NKD2: variants seen among roughly 807,000 people sequenced by gnomAD.
NKD2 encodes protein naked cuticle homolog 2.
In NKD2, 43 loss-of-function variants were observed where a neutral mutation model predicts 34.8. The ratio of observed to expected loss-of-function variants is 1.24; its 90% CI spans 0.97 to 1.60. The LOEUF (loss-of-function observed/expected upper bound fraction) is 1.60, where lower values mean the gene tolerates loss of function less well. Ranked by LOEUF, NKD2 falls within the 40% of genes most tolerant of loss-of-function variation. The pLI, the probability that NKD2 is intolerant of heterozygous loss-of-function variation, is 0.00. For missense variants in NKD2, 675 were observed against 627.1 expected (o/e 1.08, Z -0.82); for synonymous variants, 278 against 265.1 (o/e 1.05, Z -0.47).
chr5:1,017,028 A>G (rs13361349), intron 3 of NKD2, among the ~76,000 whole-genome samples: 1 of 148,788 alleles, frequency 6.7e-6, no homozygotes, highest in Non-Finnish European at 1.5e-5. Context: ...TAACAGAGCC[A>G]ACCTCATCCT....
chr5:1,038,174 G>C lies in NKD2; in HGVS notation c.1157G>C (p.Arg386Pro). 1.9e-6 allele frequency: 3 copies of C among 1,584,908 alleles called. No homozygotes were observed. The highest frequency in any genetic ancestry group is 2.6e-6 in the Non-Finnish European group (3 of 1,167,602). Residue 386 changes from arginine (R) to proline (P), a missense_variant, in exon 10 of 10, where the codon CGC becomes CCC. Coordinates refer to ENST00000296849, the MANE Select transcript of NKD2 (RefSeq NM_033120.4). This position sits in a 1 kb window ranked among gnomAD's most constrained non-coding sequence, Gnocchi z 4.5. ...CCACCCTACGGCCACAAGCGGTACC[G>C]CCAAAAGGGCAGGGAGGGCCACTCG... ...PPPPYGHKRYRQKGREGHSPL... is the reference protein window; with the variant it reads ...PPPPYGHKRYPQKGREGHSPL...
Position 1,033,391 on chromosome 5 carries a change from A to G in NKD2, c.222A>G (p.Lys74=), listed in dbSNP as rs764785943. 2 of 1,599,998 alleles carry G rather than the reference A, an allele frequency of 1.3e-6. No homozygotes were observed. Among genetic ancestry groups the G allele is most frequent in the South Asian group, 1.1e-5 (1 of 88,536 alleles). The change falls in exon 5 of 10, where the codon AAA becomes AAG. Residue 74 remains lysine, a synonymous_variant. Coordinates refer to ENST00000296849, the MANE Select transcript of NKD2 (RefSeq NM_033120.4). ...CPLQVALPAE[K]AEGREHPGQL... ...CCCTAGTGGCACTCCCCGCTGAGAA[A>G]GCTGAGGGCCGCGAGCACCCGGGAC...
In NKD2 at chr5:1,033,820, ACT is replaced by A. The variant is rs762699349; in HGVS notation, c.330+326_330+327del. Among the ~76,000 whole-genome samples the A allele has an allele frequency of 5.3e-5, 8 of 152,034 alleles. No individual in the cohort carries two copies. The Middle Eastern group carries it at 0.017, about 323-fold the overall frequency. On this transcript the variant is annotated intron_variant, in intron 5 of 9. Transcript: ENST00000296849. ...CAAAGCTGACTTGACGGACAGCCCG[ACT>A]CTCTGCCCGCTGGAGGCAGGGCACA...
chr5:1,032,484 C>T (rs1756683464), intron 4 of NKD2, among the ~76,000 whole-genome samples: 2 of 152,194 alleles, frequency 1.3e-5, no homozygotes, highest in South Asian at 2.1e-4. Context: ...TCTCTGTGAG[C>T]CTGTGTTTGT....
chr5:1,014,252 C>T (rs2150726782), intron 3 of NKD2, among the ~76,000 whole-genome samples: 1 of 152,314 alleles, frequency 6.6e-6, no homozygotes. Context: ...GAGCTTACAT[C>T]TTTCCTTTTC....
At chr5:1,035,874 G>T (rs1561000228) in intron 8 of NKD2, 3 of 365,806 alleles carry the variant, frequency 8.2e-6, no homozygotes, top group Non-Finnish European at 1.5e-5. Context: ...GGTGGCTGGG[G>T]TAGTGGCTGG....
chr5:1,037,679 G>A (rs1041676693), intron 9 of NKD2, 126 bp from the exon 10 acceptor site: 2 of 1,537,432 alleles, frequency 1.3e-6, no homozygotes, highest in African/African-American at 2.7e-5. Flanking sequence ...CTGCAGACTT[G>A]GCTAACAGAC....
At chr5:1,034,549 C>T (rs1733736924) in intron 6 of NKD2, among the ~76,000 whole-genome samples, 1 of 152,222 alleles carries the variant, frequency 6.6e-6, no homozygotes, top group Admixed American at 6.5e-5. Context: ...CACTGCAAGG[C>T]TGCCCTCAGG....
intron 8 of NKD2, among the ~76,000 whole-genome samples, 160 bp downstream of exon 8, chr5:1,035,633 C>T (rs141021506): frequency 1.3e-5 from 2 of 152,360 alleles, no homozygotes; most frequent in East Asian, 3.9e-4. Context: ...ATGGGCCCTT[C>T]CAGCATCTGG....
intron 3 of NKD2, among the ~76,000 whole-genome samples, chr5:1,027,067 A>G (rs10040067): frequency 0.092 from 13,947 of 152,264 alleles, 945 homozygotes; most frequent in African/African-American, 0.18. Flanking sequence ...CCAGGCTGTC[A>G]CCCCGGCCCT....
intron 3 of NKD2, among the ~76,000 whole-genome samples, chr5:1,015,980 C>T (rs966396779): frequency 2.5e-4 from 38 of 152,326 alleles, no homozygotes; most frequent in Admixed American, 6.5e-4. Context: ...AGATCATGAC[C>T]GTCAGCTGTC....
chr5:1,016,661 A>C (rs370029500), intron 3 of NKD2, among the ~76,000 whole-genome samples: 1 of 152,124 alleles, frequency 6.6e-6, no homozygotes, highest in East Asian at 1.9e-4. Context: ...TCCGTGAGGC[A>C]CTCACGTCGG....
At position 1,009,442 on chromosome 5, in the gene NKD2, T is replaced by C; in HGVS notation, c.62-39T>C. On this transcript the variant is annotated intron_variant, in intron 2 of 9. Coordinates refer to ENST00000296849, the MANE Select transcript of NKD2 (RefSeq NM_033120.4). This position sits in a 1 kb window ranked among gnomAD's most constrained non-coding sequence, Gnocchi z 6.9. ...GCTCACGGCGCGTCTCTTTCCCTCCTCGGTGCGGGTTTCCCGCGCGTCCGC... is the reference window on the plus strand; with the variant it reads ...GCTCACGGCGCGTCTCTTTCCCTCCCCGGTGCGGGTTTCCCGCGCGTCCGC... 1 of 1,474,032 alleles carries C rather than the reference T, an allele frequency of 6.8e-7. No homozygotes were observed. The highest frequency in any genetic ancestry group is 9.0e-7 in the Non-Finnish European group (1 of 1,112,640). 91.3% of individuals were successfully genotyped at this position (1,474,032 alleles called of 1,614,324 possible). A position where few individuals can be genotyped will look rare whatever the true frequency, so the allele number is the denominator to read the frequency against.
intron 3 of NKD2, among the ~76,000 whole-genome samples, chr5:1,028,813 G>T (rs971320281): frequency 6.6e-6 from 1 of 152,052 alleles, no homozygotes; most frequent in African/African-American, 2.4e-5. Flanking sequence ...GGGAGGGAGT[G>T]AGGGTAGGGT....
At chr5:1,012,693 G>A (rs1236561934) in intron 3 of NKD2, among the ~76,000 whole-genome samples, 12 of 152,222 alleles carry the variant, frequency 7.9e-5, no homozygotes, top group African/African-American at 2.7e-4. Context: ...GACGCCTTCC[G>A]ACTGGAACCA....
At position 1,033,395 on chromosome 5, in the gene NKD2, G is replaced by T; in HGVS notation, c.226G>T (p.Glu76Ter). ...AGTGGCACTCCCCGCTGAGAAAGCTGAGGGCCGCGAGCACCCGGGACAACT... is the reference window on the plus strand; with the variant it reads ...AGTGGCACTCCCCGCTGAGAAAGCTTAGGGCCGCGAGCACCCGGGACAACT... ...LQVALPAEKA[E>*]GREHPGQLLS... is the part of the protein sequence containing the mutation. Residue 76 changes from glutamate to a stop codon, truncating the protein, a stop_gained, in exon 5 of 10, where the codon GAG (glutamate) becomes TAG (stop). Transcript: ENST00000296849. LOFTEE classifies it high-confidence loss of function. 1 of 1,599,394 alleles carries T rather than the reference G, an allele frequency of 6.3e-7. No homozygotes were observed. The highest frequency in any genetic ancestry group is 1.1e-5 in the South Asian group (1 of 88,464).
intron 3 of NKD2, among the ~76,000 whole-genome samples, chr5:1,014,325 C>T (rs935990490): frequency 6.6e-6 from 1 of 152,176 alleles, no homozygotes; most frequent in Non-Finnish European, 1.5e-5. Flanking sequence ...AGCTTTGGGC[C>T]GCCGTATGCC....
chr5:1,021,565 T>C (rs965265471), intron 3 of NKD2, among the ~76,000 whole-genome samples: 2 of 151,808 alleles, frequency 1.3e-5, no homozygotes, highest in African/African-American at 4.8e-5. Context: ...GCTGCACATG[T>C]GTCGGAATTA....
chr5:1,035,429 A>C lies in NKD2; in HGVS notation c.615A>C (p.Ala205=). 1 of 1,559,142 alleles carries C rather than the reference A, an allele frequency of 6.4e-7. No homozygotes were observed. The highest frequency in any genetic ancestry group is 1.9e-5 in the Admixed American group (1 of 52,242). The change falls in exon 8 of 10, where the codon GCA becomes GCC. Residue 205 remains alanine (A), a synonymous_variant. Transcript: ENST00000296849. ...GTTGCAGGATGGAGGGTGAACTGGC[A>C]GAGGAGCCAAGGGTGGCTGACAGGA... ...PTRCRMEGEL[A]EEPRVADRRL... is the part of the protein sequence containing the mutation.
Sources: gnomAD v4.1 joint callset for allele counts (sites outside exome capture counted in the v4.1 genomes callset) on GRCh38, gnomAD v4.1.1 for gene constraint, Gnocchi (gnomAD v3.1) non-coding constraint, MANE v1.5 for transcripts, NCBI Gene and HGNC (gene_info 2026-07-23, HGNC 2026-07-21) for gene names.